Variants in RSPO2 observed in about 807,000 individuals in gnomAD.
The protein encoded by RSPO2 is R-spondin-2.
RSPO2 carries 14 observed loss-of-function variants against 30.9 expected under a neutral mutation model. The ratio of observed to expected loss-of-function variants is 0.45; its 90% CI spans 0.30 to 0.71. The LOEUF is 0.71. RSPO2 is among the 30% of genes least tolerant of loss of function. The probability of loss-of-function intolerance (pLI) is 0.08; values close to 1 mark genes in which losing one functional copy is unlikely to be tolerated. For synonymous variants in RSPO2, 107 were observed against 96.4 expected (o/e 1.11, Z -0.64); for missense variants, 264 against 301.9 (o/e 0.87, Z 0.93).
chr8:107,955,126 T>C (rs1586575675), intron 5 of RSPO2, among the ~76,000 whole-genome samples: 1 of 152,156 alleles, frequency 6.6e-6, no homozygotes, highest in Admixed American at 6.6e-5. Flanking sequence ...ACTGGGAAAG[T>C]GTTCAGATCC....
At position 107,989,076 on chromosome 8, in the gene RSPO2, G is replaced by A. The variant is rs866661505; in HGVS notation, c.263C>T (p.Pro88Leu). The change falls in exon 3 of 6, where the codon CCA (proline) becomes CTA (leucine). Residue 88 changes from proline to leucine, a missense_variant. Transcript: ENST00000276659. Reference protein sequence around the residue: ...CPSGYYGHRAPDMNRCARCRI... With the variant: ...CPSGYYGHRALDMNRCARCRI... ...CTCACTTGCACATCTGTTCATATCTGGGGCTCGGTGTCCATAGTACCCGGA... is the reference window on the plus strand; with the variant it reads ...CTCACTTGCACATCTGTTCATATCTAGGGCTCGGTGTCCATAGTACCCGGA... 8 of 1,607,436 alleles carry A rather than the reference G, an allele frequency of 5.0e-6. No homozygotes were observed. In the East Asian group the frequency reaches 6.7e-5, roughly 14 times the overall value.
chr8:107,966,458 G>C (rs912157929), intron 3 of RSPO2, among the ~76,000 whole-genome samples: 2 of 152,178 alleles, frequency 1.3e-5, no homozygotes, highest in African/African-American at 2.4e-5. Context: ...CAGCGAGCTG[G>C]AGAGTGAACG....
intron 5 of RSPO2, among the ~76,000 whole-genome samples, chr8:107,926,527 G>C (rs1812377337): frequency 6.6e-6 from 1 of 152,022 alleles, no homozygotes; most frequent in Admixed American, 6.6e-5. Flanking sequence ...GGGTTTTTAT[G>C]GTTTTAGGTC....
rs1222419315 is a variant in RSPO2, at chr8:107,955,739, C to T, written c.616+2341G>A. ...ACTATAGCATTACACTGACCTCTAACTTATGCCTTTCAGTAATCAGAAGCA... is the reference window on the plus strand; with the variant it reads ...ACTATAGCATTACACTGACCTCTAATTTATGCCTTTCAGTAATCAGAAGCA... On this transcript the variant is annotated intron_variant, in intron 5 of 5. Transcript: ENST00000276659. Among the ~76,000 whole-genome samples the T allele has an allele frequency of 2.0e-5, 3 of 152,258 alleles. No individual in the cohort carries two copies. The East Asian group carries it at 5.8e-4, about 29-fold the overall frequency.
At chr8:108,073,404 G>T (rs1024295377) in intron 2 of RSPO2, among the ~76,000 whole-genome samples, 1 of 152,156 alleles carries the variant, frequency 6.6e-6, no homozygotes, top group East Asian at 1.9e-4. Context: ...CAGCAACAGG[G>T]GAGGGACTAA....
chr8:108,067,181 AC>A (rs1157357559), intron 2 of RSPO2, among the ~76,000 whole-genome samples: 2 of 152,248 alleles, frequency 1.3e-5, no homozygotes, highest in African/African-American at 4.8e-5. Flanking sequence ...AACTTTAGGT[AC>A]ATACCCACCA....
In RSPO2 at chr8:108,039,037, G is replaced by A. The variant is rs143361239; in HGVS notation, c.94+43508C>T. ...ACAAATTAGTATCCACATTTTGAACGGCTTAAATAATTAAATCAGTAGATC... is the reference window on the plus strand; with the variant it reads ...ACAAATTAGTATCCACATTTTGAACAGCTTAAATAATTAAATCAGTAGATC... On this transcript the variant is annotated intron_variant, in intron 2 of 5. Coordinates refer to ENST00000276659, the MANE Select transcript of RSPO2 (RefSeq NM_178565.5). Among the ~76,000 whole-genome samples, 15 of 152,118 alleles carry A rather than the reference G, an allele frequency of 9.9e-5. No homozygotes were observed. The East Asian group carries it at 1.5e-3, about 16-fold the overall frequency.
intron 5 of RSPO2, among the ~76,000 whole-genome samples, chr8:107,914,215 A>G (rs1486433081): frequency 1.3e-5 from 2 of 152,128 alleles, no homozygotes. Flanking sequence ...CTGAAACTTG[A>G]GCTAAATTGG....
intron 2 of RSPO2, among the ~76,000 whole-genome samples, chr8:107,997,965 T>C (rs1269111859): frequency 6.6e-6 from 1 of 152,232 alleles, no homozygotes; most frequent in Non-Finnish European, 1.5e-5. Flanking sequence ...GAATTCCTTC[T>C]AGGTGAAGGC....
intron 2 of RSPO2, among the ~76,000 whole-genome samples, chr8:108,021,739 G>A (rs975290485): frequency 7.9e-5 from 12 of 151,970 alleles, no homozygotes; most frequent in Non-Finnish European, 5.9e-5. Flanking sequence ...ATGGACACAG[G>A]GAGGGGAACA....
chr8:107,973,783 T>C (rs973730344), intron 3 of RSPO2, among the ~76,000 whole-genome samples: 13 of 152,178 alleles, frequency 8.5e-5, no homozygotes, highest in Non-Finnish European at 1.8e-4. Flanking sequence ...CTTCCTTTTT[T>C]CCCCCCATCT....
At chr8:107,934,586 G>T (rs1338937589) in intron 5 of RSPO2, among the ~76,000 whole-genome samples, 7 of 151,884 alleles carry the variant, frequency 4.6e-5, no homozygotes, top group Admixed American at 4.6e-4. Context: ...TGGTCAGGCT[G>T]GTCTCGAACT....
rs1563596732 is a variant in RSPO2 at position 108,083,328 on chromosome 8, C to T, written c.-301G>A. 1 of 152,242 alleles carries T rather than the reference C, an allele frequency of 6.6e-6. No individual in the cohort carries two copies. 9.4% of individuals were successfully genotyped at this position (152,242 alleles called of 1,614,324 possible). A position where few individuals can be genotyped will look rare whatever the true frequency, so the allele number is the denominator to read the frequency against. On this transcript the variant is annotated 5_prime_UTR_variant, in exon 1 of 6. Transcript: ENST00000276659. ...GACCGGCTGGGAGCGCCTGGCAGCT[C>T]TGGAATTCCAGCGGCCGCCGCGGGG...
At position 107,900,037 on chromosome 8, in the gene RSPO2, G is replaced by GCAGT. The variant is rs1811393765; in HGVS notation, c.*1034_*1037dup. ...GCTTTAAATTTGGGGGAAAAAAATTGCAGTCAGAAATAATGTTTGTTTGGA... is the reference window on the plus strand; with the variant it reads ...GCTTTAAATTTGGGGGAAAAAAATTGCAGTCAGTCAGAAATAATGTTTGTTTGGA... On this transcript the variant is annotated 3_prime_UTR_variant, in exon 6 of 6. Coordinates refer to ENST00000276659, the MANE Select transcript of RSPO2 (RefSeq NM_178565.5). 6.6e-6 allele frequency: 1 copy of GCAGT among 151,974 alleles called. No homozygotes were observed. Among genetic ancestry groups the GCAGT allele is most frequent in the Non-Finnish European group, 1.5e-5 (1 of 68,000 alleles). 9.4% of individuals were successfully genotyped at this position (151,974 alleles called of 1,614,324 possible).
chr8:108,003,299 ATATATATATATATTTTTTTTTTTTTT>A (rs1343719321), intron 2 of RSPO2, among the ~76,000 whole-genome samples: 18 of 23,300 alleles, frequency 7.7e-4, no homozygotes, highest in African/African-American at 3.5e-3. Flanking sequence ...ATATATATAT[ATATATATATATATTTTTTTTTTTTTT>A]TTTTTTTTTT....
intron 5 of RSPO2, among the ~76,000 whole-genome samples, chr8:107,925,760 T>A (rs1277078901): frequency 6.6e-6 from 1 of 152,204 alleles, no homozygotes; most frequent in Non-Finnish European, 1.5e-5. Flanking sequence ...CTGCATAGTA[T>A]TCCATGGTGC....
chr8:107,982,060 A>C (rs2130504479), intron 3 of RSPO2, among the ~76,000 whole-genome samples: 1 of 151,740 alleles, frequency 6.6e-6, no homozygotes, highest in Non-Finnish European at 1.5e-5. Flanking sequence ...AAAAAAAAGG[A>C]AACAAAATGT....
At chr8:107,995,871 T>C (rs1815002308) in intron 2 of RSPO2, among the ~76,000 whole-genome samples, 1 of 152,196 alleles carries the variant, frequency 6.6e-6, no homozygotes, top group South Asian at 2.1e-4. Flanking sequence ...ATTGCTCAAT[T>C]TTCCTGCTTT....
chr8:108,028,129 T>C (rs1414806622), intron 2 of RSPO2, among the ~76,000 whole-genome samples: 1 of 152,194 alleles, frequency 6.6e-6, no homozygotes, highest in Non-Finnish European at 1.5e-5. Context: ...AGATCTTCAC[T>C]ACTGATACCC....
Sources: allele counts gnomAD v4.1 joint callset (sites outside exome capture counted in the v4.1 genomes callset), GRCh38; gene constraint gnomAD v4.1.1; transcripts MANE v1.5; gene names NCBI Gene and HGNC (gene_info 2026-07-23, HGNC 2026-07-21).